Variants in ALS2 observed in about 807,000 individuals in gnomAD.
ALS2 encodes the protein alsin.
ALS2 carries 117 observed loss-of-function variants against 203.4 expected under a neutral mutation model. That is an observed-to-expected ratio of 0.58 (90% CI 0.50 to 0.67). The LOEUF is 0.67. ALS2 is among the 30% of genes least tolerant of loss of function. The probability of loss-of-function intolerance (pLI) is 0.00; values close to 1 mark genes in which losing one functional copy is unlikely to be tolerated. For missense variants in ALS2, 1,715 were observed against 1,989.4 expected, an observed-to-expected ratio of 0.86 and a Z score of 2.62; for synonymous variants, 718 against 725.9, an observed-to-expected ratio of 0.99 and a Z score of 0.17.
At chr2:201,732,641 C>G (rs888783451) in intron 13 of ALS2, among the ~76,000 whole-genome samples, 4 of 152,052 alleles carry the variant, frequency 2.6e-5, no homozygotes, top group Admixed American at 6.6e-5. Flanking sequence ...TTTTCTAGAG[C>G]CTTTCAGGGT....
chr2:201,754,425 G>A, intron 6 of ALS2, 78 bp downstream of exon 6: 17 of 1,570,392 alleles, frequency 1.1e-5, no homozygotes, highest in Middle Eastern at 3.3e-4. Flanking sequence ...TATGAGGAAA[G>A]TGAGATTTAG....
At chr2:201,759,807 G>C in intron 4 of ALS2, 1 of 985,192 alleles carries the variant, frequency 1.0e-6, no homozygotes, top group South Asian at 4.7e-5. Flanking sequence ...AACCTAAAAA[G>C]AAACACTGCA....
chr2:201,755,391 T>C (rs1040148703), intron 5 of ALS2, among the ~76,000 whole-genome samples: 5 of 152,050 alleles, frequency 3.3e-5, no homozygotes, highest in Non-Finnish European at 7.4e-5. Flanking sequence ...GCCTCCTGAG[T>C]AGCTAGGATT....
In ALS2 at chr2:201,732,820, T is replaced by G. The variant is rs187981536; in HGVS notation, c.2580+456A>C. Among the ~76,000 whole-genome samples the G allele has an allele frequency of 2.0e-5, 3 of 152,324 alleles. No individual in the cohort carries two copies. The East Asian group carries it at 5.8e-4, about 29-fold the overall frequency. On this transcript the variant is annotated intron_variant, in intron 13 of 33. Coordinates refer to ENST00000264276, the MANE Select transcript of ALS2 (RefSeq NM_020919.4). ...ACATTTGAGAAAATCCTGTAACTGA[T>G]TCCTCTCAGCATTTGCTAAGGTAAC... is the stretch of plus-strand genomic sequence containing the variant.
chr2:201,722,956 T>C (rs746620301), intron 23 of ALS2, 87 bp downstream of exon 23: 3 of 1,091,002 alleles, frequency 2.7e-6, no homozygotes, highest in Non-Finnish European at 4.1e-6. Context: ...GTGAATTTTA[T>C]GGCATGTAAA....
chr2:201,723,271 G>T, intron 22 of ALS2, 59 bp downstream of exon 22: 1 of 1,466,592 alleles, frequency 6.8e-7, no homozygotes, highest in Non-Finnish European at 9.6e-7. Flanking sequence ...GATTTAAAAA[G>T]TTAAGGACAA....
rs183635517 is a variant in ALS2 at position 201,774,300 on chromosome 2, T to C, written c.-60-5355A>G. On this transcript the variant is annotated intron_variant, in intron 1 of 33. Coordinates refer to ENST00000264276, the MANE Select transcript of ALS2 (RefSeq NM_020919.4). ...ATCCAGAATATATGTGGGGGGATTG[T>C]TTTTTTCATAAGAAGAAAGGTCTAC... 2.6e-5 allele frequency among the ~76,000 whole-genome samples: 4 copies of C among 152,204 alleles called. No individual in the cohort carries two copies. The East Asian group carries it at 7.7e-4, about 29-fold the overall frequency.
At chr2:201,774,670 C>T (rs1250862482) in intron 1 of ALS2, among the ~76,000 whole-genome samples, 7 of 152,092 alleles carry the variant, frequency 4.6e-5, no homozygotes, top group East Asian at 1.9e-4. Flanking sequence ...TGGCTTAATT[C>T]GGTGAAAGGT....
intron 1 of ALS2, 35 bp from the exon 2 acceptor site, chr2:201,768,980 G>T (rs1694242234): frequency 1.9e-5 from 20 of 1,055,618 alleles, no homozygotes; most frequent in Non-Finnish European, 2.6e-5. Context: ...AGCAGTAAAA[G>T]AATATTTTAC....
At chr2:201,743,738 G>A (rs988035608) in intron 10 of ALS2, among the ~76,000 whole-genome samples, 3 of 152,168 alleles carry the variant, frequency 2.0e-5, no homozygotes, top group South Asian at 4.1e-4. Flanking sequence ...GCCTCCCAGA[G>A]TGCTGGGATT....
In ALS2 at chr2:201,704,434, C is replaced by T. The variant is rs749049075; in HGVS notation, c.4838+20G>A. On this transcript the variant is annotated intron_variant, in intron 32 of 33. Transcript: ENST00000264276. The stretch of plus-strand genomic sequence containing the variant: ...TTTAAAAATAACGACTCACTAATAA[C>T]AAAGTCATAAAACAGTTACCTGGCC... 6.2e-7 allele frequency: 1 copy of T among 1,613,868 alleles called. No individual in the cohort carries two copies. The highest frequency in any genetic ancestry group is 8.5e-7 in the Non-Finnish European group (1 of 1,179,872).
chr2:201,719,431 A>T (rs1046462254), intron 23 of ALS2, among the ~76,000 whole-genome samples: 1 of 152,194 alleles, frequency 6.6e-6, no homozygotes, highest in African/African-American at 2.4e-5. Flanking sequence ...TCTACTAAAA[A>T]TACAAAAATT....
intron 13 of ALS2, among the ~76,000 whole-genome samples, 191 bp from the exon 14 acceptor site, chr2:201,729,374 T>A (rs965292549): frequency 6.6e-6 from 1 of 152,030 alleles, no homozygotes; most frequent in Non-Finnish European, 1.5e-5. Flanking sequence ...TACATAAAAG[T>A]ACATATGAAA....
intron 26 of ALS2, 87 bp downstream of exon 26, chr2:201,710,902 AAC>A: frequency 2.3e-6 from 2 of 852,044 alleles, no homozygotes; most frequent in Non-Finnish European, 4.0e-6. Flanking sequence ...GGATTAGAAT[AAC>A]ATTAAGCTGT....
At chr2:201,768,803 AT>A in intron 2 of ALS2, 62 bp downstream of exon 2, 1 of 1,478,916 alleles carries the variant, frequency 6.8e-7, no homozygotes, top group Non-Finnish European at 9.4e-7. Flanking sequence ...GAAGCTACAC[AT>A]ATGTGAAGCT....
chr2:201,760,829 C>A, intron 4 of ALS2, 52 bp downstream of exon 4: 1 of 1,560,806 alleles, frequency 6.4e-7, no homozygotes, highest in South Asian at 1.2e-5. Context: ...AAAGAAAAGC[C>A]CATACAGTTC....
intron 22 of ALS2, 74 bp from the exon 23 acceptor site, chr2:201,723,194 C>T (rs1004078053): frequency 7.1e-7 from 1 of 1,401,726 alleles, no homozygotes; most frequent in Non-Finnish European, 1.0e-6. Flanking sequence ...CAGTCATATC[C>T]CCAAAGCCTT....
At chr2:201,755,333 G>C (rs940150335) in intron 5 of ALS2, among the ~76,000 whole-genome samples, 4 of 152,046 alleles carry the variant, frequency 2.6e-5, no homozygotes, top group Non-Finnish European at 5.9e-5. Context: ...CATGATCTCG[G>C]CTCGCAGGAA....
intron 25 of ALS2, among the ~76,000 whole-genome samples, chr2:201,711,621 G>T (rs1690029023): frequency 6.6e-6 from 1 of 152,130 alleles, no homozygotes; most frequent in Non-Finnish European, 1.5e-5. Context: ...ACTCCAACAG[G>T]TGACAATGTA....
Sources: gnomAD v4.1 joint callset for allele counts (sites outside exome capture counted in the v4.1 genomes callset) on GRCh38, gnomAD v4.1.1 for gene constraint, MANE v1.5 for transcripts, NCBI Gene and HGNC (gene_info 2026-07-23, HGNC 2026-07-21) for gene names.